Variants in SPAG6 observed in about 807,000 individuals in gnomAD.
SPAG6 encodes the protein sperm-associated antigen 6.
A neutral mutation model predicts 58.5 loss-of-function variants in SPAG6; 49 were observed. The observed-to-expected ratio is 0.84, with a 90% CI of 0.67 to 1.06. The LOEUF (loss-of-function observed/expected upper bound fraction) is 1.06. Ranked by LOEUF, SPAG6 falls within the 50% of genes least tolerant of loss-of-function variation. The probability of loss-of-function intolerance (pLI) is 0.00; values close to 1 mark genes in which losing one functional copy is unlikely to be tolerated. For missense variants in SPAG6, 560 were observed against 611.3 expected, an observed-to-expected ratio of 0.92 and a Z score of 0.89; for synonymous variants, 233 against 225.6, an observed-to-expected ratio of 1.03 and a Z score of -0.29.
chr10:22,373,359 A>T (rs2132061180), intron 4 of SPAG6, among the ~76,000 whole-genome samples: 1 of 152,350 alleles, frequency 6.6e-6, no homozygotes, highest in East Asian at 1.9e-4. Flanking sequence ...TAAAATTCAG[A>T]ATTCTTTTGA....
At chr10:22,375,738 C>T (rs1833802309) in intron 4 of SPAG6, among the ~76,000 whole-genome samples, 1 of 151,874 alleles carries the variant, frequency 6.6e-6, no homozygotes, top group African/African-American at 2.4e-5. Context: ...GCCACCATGC[C>T]TGGCTAATTT....
rs1475635231 is a variant in SPAG6 at position 22,387,991 on chromosome 10, C to G, written c.847C>G (p.Pro283Ala). ...AATTAGAGAGATTGCAAAACATACA[C>G]CCGAGGTGAAAAGAAACTTCAAGGC... is the stretch of plus-strand genomic sequence containing the variant. ...TLIREIAKHT[P>A]ELSQLVVNAG... Residue 283 changes from proline (P) to alanine (A), a missense_variant, in exon 6 of 11, where the codon CCC (proline) becomes GCC (alanine). By Grantham distance (27) the Pro-to-Ala change is conservative. Transcript: ENST00000376624. 1 of 1,598,766 alleles carries G rather than the reference C, an allele frequency of 6.3e-7. No homozygotes were observed. The highest frequency in any genetic ancestry group is 1.4e-5 in the African/African-American group (1 of 73,838).
chr10:22,346,430 G>GTTCTTCTTCTTCTTCTTCTTCTTCTTC (rs71393995), intron 2 of SPAG6, among the ~76,000 whole-genome samples: 4 of 96,002 alleles, frequency 4.2e-5, no homozygotes, highest in East Asian at 6.5e-4. Flanking sequence ...AGAGAAAATG[G>GTTCTTCTTCTTCTTCTTCTTCTTCTTC]TTCTTCTTCT....
chr10:22,378,952 C>T (rs533727079), intron 4 of SPAG6, among the ~76,000 whole-genome samples: 1 of 152,232 alleles, frequency 6.6e-6, no homozygotes, highest in African/African-American at 2.4e-5. Flanking sequence ...AGAATTATTT[C>T]GCCTTTAAAG....
intron 2 of SPAG6, among the ~76,000 whole-genome samples, chr10:22,346,903 C>G (rs959818970): frequency 1.3e-5 from 2 of 152,156 alleles, no homozygotes; most frequent in Non-Finnish European, 2.9e-5. Context: ...AGGGATAATA[C>G]AGAGAGATCC....
intron 9 of SPAG6, among the ~76,000 whole-genome samples, chr10:22,405,048 G>A (rs1401199794): frequency 6.6e-6 from 1 of 152,144 alleles, no homozygotes; most frequent in Non-Finnish European, 1.5e-5. Flanking sequence ...TGAGACAATG[G>A]GGTTTTCTAG....
At chr10:22,371,145 A>G (rs187270052) in intron 4 of SPAG6, among the ~76,000 whole-genome samples, 2 of 152,346 alleles carry the variant, frequency 1.3e-5, no homozygotes, top group African/African-American at 2.4e-5. Flanking sequence ...CTCCCAGAAG[A>G]GATTATTGCA....
chr10:22,410,972 A>G (rs929984466), intron 9 of SPAG6, 59 bp from the exon 10 acceptor site: 7 of 1,540,112 alleles, frequency 4.5e-6, no homozygotes, highest in African/African-American at 1.4e-5. Flanking sequence ...TTGCTTTTCA[A>G]TAGTAATAAT....
At chr10:22,361,621 G>A (rs1306069097) in intron 2 of SPAG6, among the ~76,000 whole-genome samples, 1 of 152,136 alleles carries the variant, frequency 6.6e-6, no homozygotes, top group Non-Finnish European at 1.5e-5. Flanking sequence ...ACTGGAACCT[G>A]GAAGGCAGAG....
chr10:22,413,299 C>T (rs944705276), intron 10 of SPAG6, among the ~76,000 whole-genome samples: 1 of 151,540 alleles, frequency 6.6e-6, no homozygotes, highest in African/African-American at 2.4e-5. Context: ...TTTGGGAGGC[C>T]GAGGCGTGGG....
rs184724147 is a variant in SPAG6 at position 22,360,831 on chromosome 10, C to T, written c.122-4022C>T. The T allele has an allele frequency of 1.3e-4, 195 of 1,532,956 alleles. 1 individual carries two copies. In the East Asian group the frequency reaches 4.6e-3, roughly 36 times the overall value. 95.0% of individuals were successfully genotyped at this position (1,532,956 alleles called of 1,614,324 possible). On this transcript the variant is annotated intron_variant, in intron 2 of 10. Transcript: ENST00000376624. ...TGAACTCTAAATTTCCATGCATTCACTCACCATGGATCTCTGGATACCTAA... is the reference window on the plus strand; with the variant it reads ...TGAACTCTAAATTTCCATGCATTCATTCACCATGGATCTCTGGATACCTAA...
intron 10 of SPAG6, among the ~76,000 whole-genome samples, chr10:22,415,846 G>T (rs1403138396): frequency 6.6e-6 from 1 of 152,012 alleles, no homozygotes; most frequent in East Asian, 1.9e-4. Flanking sequence ...AATTATTCTA[G>T]AATGCCTGCT....
chr10:22,347,101 T>C (rs1263997591), intron 2 of SPAG6, among the ~76,000 whole-genome samples: 2 of 152,208 alleles, frequency 1.3e-5, no homozygotes, highest in African/African-American at 2.4e-5. Context: ...ACCAGCACAG[T>C]CAAGATACAG....
chr10:22,353,875 G>A (rs1441536996), intron 2 of SPAG6, among the ~76,000 whole-genome samples: 1 of 152,200 alleles, frequency 6.6e-6, no homozygotes, highest in Non-Finnish European at 1.5e-5. Flanking sequence ...CTAGGAGTTA[G>A]CCAGATAAAA....
At chr10:22,388,147 G>T (rs527373108) in intron 6 of SPAG6, 151 bp downstream of exon 6, 9 of 632,052 alleles carry the variant, frequency 1.4e-5, no homozygotes, top group African/African-American at 1.3e-4. Context: ...GGACTGGGTA[G>T]TTCTTTGTTG....
chr10:22,364,603 A>G (rs1339729982), intron 2 of SPAG6, among the ~76,000 whole-genome samples: 1 of 152,180 alleles, frequency 6.6e-6, no homozygotes, highest in African/African-American at 2.4e-5. Flanking sequence ...GACTTGCTGA[A>G]TCAGGGATTC....
At chr10:22,393,416 T>A (rs1013450842) in intron 8 of SPAG6, among the ~76,000 whole-genome samples, 1 of 152,180 alleles carries the variant, frequency 6.6e-6, no homozygotes, top group Admixed American at 6.5e-5. Context: ...GAGTATGTAC[T>A]TTTTATATAC....
intron 3 of SPAG6, among the ~76,000 whole-genome samples, chr10:22,365,314 G>C (rs1008037372): frequency 1.3e-5 from 2 of 152,118 alleles, no homozygotes; most frequent in Admixed American, 6.5e-5. Flanking sequence ...ATCTGTCTTA[G>C]GGAAGTATGT....
Position 22,345,510 on chromosome 10 carries a change from C to G in SPAG6, c.-102C>G. On this transcript the variant is annotated 5_prime_UTR_variant, in exon 1 of 11. Coordinates refer to ENST00000376624, the MANE Select transcript of SPAG6 (RefSeq NM_012443.4). This position sits in a 1 kb window ranked among gnomAD's most constrained non-coding sequence, Gnocchi z 6.3. ...CGCGGGTACACAGAGAAGCGGCTCC[C>G]GTCGGAGGCCGAGTCGTCGCCACGA... 1.0e-6 allele frequency: 1 copy of G among 988,826 alleles called. No homozygotes were observed. The highest frequency in any genetic ancestry group is 2.9e-5 in the Admixed American group (1 of 34,452). 61.3% of individuals were successfully genotyped at this position (988,826 alleles called of 1,614,324 possible).
Sources: gnomAD v4.1 joint callset for allele counts (sites outside exome capture counted in the v4.1 genomes callset) on GRCh38, gnomAD v4.1.1 for gene constraint, Gnocchi (gnomAD v3.1) non-coding constraint, MANE v1.5 for transcripts, NCBI Gene and HGNC (gene_info 2026-07-23, HGNC 2026-07-21) for gene names.